CHCHD3: variants seen among roughly 807,000 people sequenced by gnomAD.
CHCHD3 encodes MICOS complex subunit MIC19.
Under a neutral mutation model 38.2 loss-of-function variants are expected in CHCHD3, and 20 were observed. The observed-to-expected ratio is 0.52, with a 90% CI of 0.37 to 0.76. CHCHD3 has a LOEUF of 0.76. Ranked by LOEUF, CHCHD3 falls within the 30% of genes least tolerant of loss-of-function variation. The probability of loss-of-function intolerance (pLI) is 0.00; values close to 1 mark genes in which losing one functional copy is unlikely to be tolerated. For synonymous variants in CHCHD3, 82 were observed against 100.0 expected (o/e 0.82, Z 1.07); for missense variants, 245 against 279.2 (o/e 0.88, Z 0.87).
At chr7:132,975,853 C>T (rs1368980301) in intron 3 of CHCHD3, among the ~76,000 whole-genome samples, 1 of 151,858 alleles carries the variant, frequency 6.6e-6, no homozygotes, top group African/African-American at 2.4e-5. Flanking sequence ...ACTGCTTGAG[C>T]CTGGGAGGTA....
At chr7:132,785,686 T>A (rs756147565) in intron 7 of CHCHD3, 26 bp from the exon 8 acceptor site, 64 of 1,612,896 alleles carry the variant, frequency 4.0e-5, no homozygotes, top group East Asian at 1.8e-4. Flanking sequence ...AAAGAGTAAG[T>A]TTTACCACCG....
chr7:132,943,744 TA>T (rs1810828400), intron 4 of CHCHD3, among the ~76,000 whole-genome samples: 1 of 152,082 alleles, frequency 6.6e-6, no homozygotes, highest in African/African-American at 2.4e-5. Flanking sequence ...GGGGGTCTTA[TA>T]AAAAATATGT....
chr7:132,908,235 G>A (rs1286031675), intron 4 of CHCHD3, among the ~76,000 whole-genome samples: 1 of 152,046 alleles, frequency 6.6e-6, no homozygotes, highest in Non-Finnish European at 1.5e-5. Context: ...ATGCTGCCAC[G>A]GTGCAGGAAA....
intron 4 of CHCHD3, among the ~76,000 whole-genome samples, chr7:132,961,380 G>C (rs1018674371): frequency 3.9e-5 from 6 of 152,114 alleles, no homozygotes; most frequent in African/African-American, 9.7e-5. Context: ...CAGCAAAGGG[G>C]TTTCATCCAC....
chr7:132,863,831 G>A (rs1808550184), intron 5 of CHCHD3, among the ~76,000 whole-genome samples: 1 of 152,130 alleles, frequency 6.6e-6, no homozygotes, highest in Admixed American at 6.6e-5. Flanking sequence ...TGATCAACCT[G>A]TGATAGCTTC....
intron 4 of CHCHD3, among the ~76,000 whole-genome samples, chr7:132,959,722 C>CAAAAAAAAAAAAA (rs376282108): frequency 4.5e-5 from 2 of 44,080 alleles, no homozygotes; most frequent in Admixed American, 2.3e-4. Context: ...AACTCCGTCT[C>CAAAAAAAAAAAAA]AAAAAAAAAA....
At chr7:132,879,717 A>T (rs1412343832) in intron 5 of CHCHD3, among the ~76,000 whole-genome samples, 3 of 24,366 alleles carry the variant, frequency 1.2e-4, no homozygotes, top group East Asian at 2.1e-3. Context: ...TGTCAAAAGT[A>T]AAAAAAAAAA....
intron 6 of CHCHD3, among the ~76,000 whole-genome samples, chr7:132,837,515 A>C (rs1163294431): frequency 2.0e-5 from 3 of 152,238 alleles, no homozygotes. Flanking sequence ...ATTTTTAAAA[A>C]ATTTTATTTT....
At chr7:132,886,700 G>A (rs1037063341) in intron 4 of CHCHD3, among the ~76,000 whole-genome samples, 5 of 13,280 alleles carry the variant, frequency 3.8e-4, no homozygotes, top group Non-Finnish European at 1.7e-3. Flanking sequence ...ACTATATATA[G>A]ATATATATAT....
chr7:132,848,624 C>A (rs1192231536), intron 5 of CHCHD3, among the ~76,000 whole-genome samples: 1 of 152,006 alleles, frequency 6.6e-6, no homozygotes, highest in Non-Finnish European at 1.5e-5. Context: ...CAGTAATAGT[C>A]CAAATTTAGT....
At chr7:133,060,108 C>A (rs1318209236) in intron 2 of CHCHD3, among the ~76,000 whole-genome samples, 1 of 152,208 alleles carries the variant, frequency 6.6e-6, no homozygotes, top group African/African-American at 2.4e-5. Flanking sequence ...AAAGTCCACA[C>A]TGAGAAAATG....
intron 4 of CHCHD3, among the ~76,000 whole-genome samples, chr7:132,927,821 C>T (rs549196136): frequency 3.3e-5 from 5 of 152,156 alleles, no homozygotes; most frequent in Admixed American, 6.5e-5. Flanking sequence ...ATCTGTCAGA[C>T]GTCTTTAAGA....
chr7:132,954,229 G>T (rs1383658707), intron 4 of CHCHD3, among the ~76,000 whole-genome samples: 1 of 152,052 alleles, frequency 6.6e-6, no homozygotes, highest in East Asian at 1.9e-4. Flanking sequence ...TGAGAGCAAG[G>T]ATTCTGCTCC....
At chr7:132,942,967 GCAAA>G (rs139894842) in intron 4 of CHCHD3, among the ~76,000 whole-genome samples, 2 of 152,122 alleles carry the variant, frequency 1.3e-5, no homozygotes, top group East Asian at 3.9e-4. Context: ...GGGTCTGGTT[GCAAA>G]CAGAGAGAAA....
intron 5 of CHCHD3, among the ~76,000 whole-genome samples, chr7:132,874,658 G>A (rs1808852929): frequency 6.6e-6 from 1 of 152,106 alleles, no homozygotes; most frequent in Non-Finnish European, 1.5e-5. Context: ...ACAACTCTTG[G>A]GTTAATGGGC....
chr7:132,917,836 G>A (rs1810150950), intron 4 of CHCHD3, among the ~76,000 whole-genome samples: 1 of 119,032 alleles, frequency 8.4e-6, no homozygotes, highest in South Asian at 3.1e-4. Flanking sequence ...TCCAGCCTGG[G>A]TGACAGAGTG....
At chr7:133,011,090 T>G (rs1003011848) in intron 3 of CHCHD3, among the ~76,000 whole-genome samples, 2 of 152,128 alleles carry the variant, frequency 1.3e-5, no homozygotes, top group African/African-American at 4.8e-5. Context: ...AGTGCAAATA[T>G]TCTGGACAAG....
In CHCHD3 at chr7:133,035,503, C is replaced by T. The variant is rs1259699194; in HGVS notation, c.170-10876G>A. 7 of 1,613,366 alleles carry T rather than the reference C, an allele frequency of 4.3e-6. No homozygotes were observed. Among genetic ancestry groups the T allele is most frequent in the Non-Finnish European group, 5.9e-6 (7 of 1,179,486 alleles). ...GTCTTCAAGTAAGCATCCAGCAGCC[C>T]CAGAATTCGCCTCACTTCCTCCTTT... On this transcript the variant is annotated intron_variant, in intron 2 of 7. Transcript: ENST00000262570. This position sits in a 1 kb window ranked among gnomAD's most constrained non-coding sequence, Gnocchi z 4.7.
At chr7:132,791,020 T>C (rs1806447613) in intron 7 of CHCHD3, among the ~76,000 whole-genome samples, 2 of 152,186 alleles carry the variant, frequency 1.3e-5, no homozygotes, top group East Asian at 1.9e-4. Flanking sequence ...TAGGGAGTGA[T>C]AGCTCCCCAT....
Sources: gnomAD v4.1 joint callset for allele counts (sites outside exome capture counted in the v4.1 genomes callset) on GRCh38, gnomAD v4.1.1 for gene constraint, Gnocchi (gnomAD v3.1) non-coding constraint, MANE v1.5 for transcripts, NCBI Gene and HGNC (gene_info 2026-07-23, HGNC 2026-07-21) for gene names.